Variants in OGA observed in about 807,000 individuals in gnomAD.
OGA encodes the protein O-GlcNAcase.
Under a neutral mutation model 102.0 loss-of-function variants are expected in OGA, and 21 were observed. The ratio of observed to expected loss-of-function variants is 0.21; its 90% CI spans 0.15 to 0.30. The LOEUF is 0.30. Among genes scored for constraint, OGA ranks in the 10% least tolerant of loss-of-function variants. The pLI is 1.00. For missense variants in OGA, 765 were observed against 1,107.8 expected (o/e 0.69, Z 4.39); for synonymous variants, 408 against 378.2 (o/e 1.08, Z -0.91).
intron 14 of OGA, among the ~76,000 whole-genome samples, chr10:101,790,626 GTTCT>G (rs989996205): frequency 1.3e-5 from 2 of 152,088 alleles, no homozygotes; most frequent in African/African-American, 2.4e-5. Context: ...GGAAAAAAAT[GTTCT>G]TTGTCTTTAT....
chr10:101,787,518 T>G lies in OGA; in HGVS notation c.2460A>C (p.Ile820=). Residue 820 remains isoleucine, a synonymous_variant, in exon 15 of 16, where the codon ATA becomes ATC. Transcript: ENST00000361464. ...CCTGTTCTTCATGGAAACTCAACAT[T>G]ATTTTCTGGAAAAATTAGAATCTCT... is the stretch of plus-strand genomic sequence containing the variant. ...GDKELSEAEK[I]MLSFHEEQEV... is the part of the protein sequence containing the mutation. 6.2e-7 allele frequency: 1 copy of G among 1,604,158 alleles called. No homozygotes were observed.
At chr10:101,803,448 T>TAAAAAAAAAAAAAA (rs575226082) in intron 7 of OGA, among the ~76,000 whole-genome samples, 2 of 74,278 alleles carry the variant, frequency 2.7e-5, no homozygotes, top group Admixed American at 1.6e-4. Flanking sequence ...TGAATCATAC[T>TAAAAAAAAAAAAAA]AAAAAAAAAA....
At chr10:101,803,653 A>T (rs1200941586) in intron 7 of OGA, 82 bp downstream of exon 7, 3 of 1,333,266 alleles carry the variant, frequency 2.3e-6, no homozygotes, top group African/African-American at 1.5e-5. Flanking sequence ...AGTTGTGATG[A>T]CAAAGGAATG....
At chr10:101,797,833 T>C in intron 10 of OGA, 147 bp downstream of exon 10, 1 of 727,098 alleles carries the variant, frequency 1.4e-6, no homozygotes, top group Non-Finnish European at 2.3e-6. Flanking sequence ...AAGTCTTCAA[T>C]AATGCCTATT....
chr10:101,813,949 C>T (rs548828119), intron 1 of OGA, among the ~76,000 whole-genome samples: 1 of 151,880 alleles, frequency 6.6e-6, no homozygotes, highest in East Asian at 1.9e-4. Flanking sequence ...AGATCTCAAT[C>T]TTATAATGGG....
At chr10:101,798,763 C>A (rs767947165) in intron 9 of OGA, 79 bp downstream of exon 9, 9 of 1,478,062 alleles carry the variant, frequency 6.1e-6, no homozygotes, top group Non-Finnish European at 8.2e-6. Context: ...TTACAGTGTA[C>A]TCATTTAAGA....
intron 1 of OGA, among the ~76,000 whole-genome samples, chr10:101,816,258 G>A (rs1224739020): frequency 6.6e-6 from 1 of 152,150 alleles, no homozygotes; most frequent in African/African-American, 2.4e-5. Context: ...GCGAGACTCC[G>A]TCTCCCAAAA....
chr10:101,803,458 A>C (rs1010109104), intron 7 of OGA, among the ~76,000 whole-genome samples: 2 of 150,066 alleles, frequency 1.3e-5, no homozygotes, highest in Non-Finnish European at 3.0e-5. Flanking sequence ...TAAAAAAAAA[A>C]AAAACAAAAA....
chr10:101,793,331 G>T (rs1204032984), intron 11 of OGA, among the ~76,000 whole-genome samples: 2 of 152,166 alleles, frequency 1.3e-5, no homozygotes, highest in South Asian at 2.1e-4. Context: ...TCTGAAGAGG[G>T]TTATCTGTCC....
rs2065258807 is a variant in OGA, at chr10:101,791,499, ATAACTCACAAGTCAGTCTG to A, written c.2176-79_2176-61del. 5.6e-5 allele frequency: 77 copies of A among 1,385,810 alleles called. No individual in the cohort carries two copies. In the South Asian group the frequency reaches 8.2e-4, roughly 15 times the overall value. The allele number at this position is 1,385,810 out of a possible 1,614,324, so 85.8% of individuals were successfully genotyped here. Reference sequence around the variant, plus strand: ...AAAAATGGCAGCAGAATCTAACAATATAACTCACAAGTCAGTCTGGGGAGGGAGTAACAAAATGGCCTGT... The same window carrying A: ...AAAAATGGCAGCAGAATCTAACAATAGGGAGGGAGTAACAAAATGGCCTGT... On this transcript the variant is annotated intron_variant, in intron 12 of 15. Coordinates refer to ENST00000361464, the MANE Select transcript of OGA (RefSeq NM_012215.5).
chr10:101,797,796 TG>T, intron 10 of OGA, 183 bp downstream of exon 10: 4 of 621,160 alleles, frequency 6.4e-6, no homozygotes, highest in Non-Finnish European at 1.1e-5. Context: ...TTAATGTGCT[TG>T]ATGTATTTAC....
rs781163347 is a variant in OGA at position 101,799,461 on chromosome 10, AAAAT to A, written c.1196-10_1196-7del. 1.7e-5 allele frequency: 27 copies of A among 1,600,952 alleles called. No homozygotes were observed. Among genetic ancestry groups the A allele is most frequent in the Non-Finnish European group, 1.9e-5 (22 of 1,172,898 alleles). ...ACTGTGTGCAACTTGCCTACCTACA[AAAAT>A]AAATAAATGTATAAATAAAATGGTC... On this transcript the variant is annotated splice_polypyrimidine_tract_variant and splice_region_variant and intron_variant, in intron 8 of 15. Coordinates refer to ENST00000361464, the MANE Select transcript of OGA (RefSeq NM_012215.5).
In OGA at chr10:101,817,983, C is replaced by T; in HGVS notation, c.40G>A (p.Glu14Lys). ...KESQATLEER[E>K]SELSSNPAAS... is the part of the protein sequence containing the mutation. ...GCAGGGTTGGAGCTGAGCTCGCTCT[C>T]CCGCTCCTCCAACGTCGCTTGACTC... Residue 14 changes from glutamate to lysine, a missense_variant, in exon 1 of 16, where the codon GAG (glutamate) becomes AAG (lysine). Transcript: ENST00000361464. 3.1e-6 allele frequency: 5 copies of T among 1,604,646 alleles called. No individual in the cohort carries two copies. Among genetic ancestry groups the T allele is most frequent in the Non-Finnish European group, 4.3e-6 (5 of 1,174,004 alleles).
intron 2 of OGA, 87 bp downstream of exon 2, chr10:101,813,468 G>C (rs1368606507): frequency 1.2e-6 from 1 of 838,498 alleles, no homozygotes; most frequent in Non-Finnish European, 1.9e-6. Flanking sequence ...AATGCACCTG[G>C]GCTATTCACT....
At position 101,797,878 on chromosome 10, in the gene OGA, T is replaced by G. The variant is rs1366174165; in HGVS notation, c.1984+102A>C. ...AACCTAGGCAACGAATTGAAGAGAC[T>G]TGGAAATGTGCCAATTCCCTAAATG... On this transcript the variant is annotated intron_variant, in intron 10 of 15. Transcript: ENST00000361464. The G allele has an allele frequency of 4.1e-6, 5 of 1,205,230 alleles. No individual in the cohort carries two copies. In the Admixed American group the frequency reaches 5.6e-5, roughly 14 times the overall value. The allele number at this position is 1,205,230 out of a possible 1,614,324, so 74.7% of individuals were successfully genotyped here. A position where few individuals can be genotyped will look rare whatever the true frequency, so the allele number is the denominator to read the frequency against.
chr10:101,789,695 C>G (rs1410291365), intron 14 of OGA, among the ~76,000 whole-genome samples: 1 of 152,082 alleles, frequency 6.6e-6, no homozygotes, highest in African/African-American at 2.4e-5. Context: ...ATATACTGGC[C>G]AGGCACAGTG....
At chr10:101,804,521 C>T (rs998438561) in intron 6 of OGA, among the ~76,000 whole-genome samples, 7 of 152,130 alleles carry the variant, frequency 4.6e-5, no homozygotes, top group Non-Finnish European at 1.0e-4. Context: ...GATCCGCCTG[C>T]CTCGGCCTCC....
intron 11 of OGA, among the ~76,000 whole-genome samples, chr10:101,793,491 G>A (rs999720484): frequency 6.6e-6 from 1 of 152,152 alleles, no homozygotes; most frequent in Non-Finnish European, 1.5e-5. Context: ...TTTCAGCAAT[G>A]GACAATTCTT....
chr10:101,812,953 T>C (rs749606187), intron 3 of OGA, 77 bp downstream of exon 3: 1 of 1,129,420 alleles, frequency 8.9e-7, no homozygotes, highest in East Asian at 2.3e-5. Context: ...TGTCATAAAA[T>C]TCTTGTACAA....
Sources: gnomAD v4.1 joint callset for allele counts (sites outside exome capture counted in the v4.1 genomes callset) on GRCh38, gnomAD v4.1.1 for gene constraint, MANE v1.5 for transcripts, NCBI Gene and HGNC (gene_info 2026-07-23, HGNC 2026-07-21) for gene names.